The following SEMA3E variants were observed in gnomAD, a reference collection of about 807,000 sequenced individuals.
SEMA3E encodes semaphorin 3E.
Under a neutral mutation model 93.6 loss-of-function variants are expected in SEMA3E, and 49 were observed. The ratio of observed to expected loss-of-function variants is 0.52; its 90% CI spans 0.42 to 0.66. SEMA3E has a LOEUF of 0.66. SEMA3E is among the 30% of genes least tolerant of loss of function. SEMA3E has a pLI of 0.00. For synonymous variants in SEMA3E, 363 were observed against 330.7 expected, an observed-to-expected ratio of 1.10 and a Z score of -1.06; for missense variants, 906 against 964.8, an observed-to-expected ratio of 0.94 and a Z score of 0.81.
intron 4 of SEMA3E, among the ~76,000 whole-genome samples, chr7:83,458,746 G>T (rs145804333): frequency 1.4e-4 from 21 of 151,604 alleles, no homozygotes; most frequent in Middle Eastern, 7.0e-3. Context: ...TAAATCAATA[G>T]AATTTTTCCA....
chr7:83,579,291 G>A (rs1341333398), intron 1 of SEMA3E, among the ~76,000 whole-genome samples: 1 of 152,092 alleles, frequency 6.6e-6, no homozygotes, highest in Non-Finnish European at 1.5e-5. Flanking sequence ...GTACAATTAA[G>A]ATGCCTTAGT....
At chr7:83,483,211 A>ATAG (rs917254371) in intron 2 of SEMA3E, among the ~76,000 whole-genome samples, 14 of 152,036 alleles carry the variant, frequency 9.2e-5, no homozygotes, top group South Asian at 2.1e-4. Context: ...AAGGCAAACT[A>ATAG]TAGTAGTAGT....
intron 1 of SEMA3E, among the ~76,000 whole-genome samples, chr7:83,551,956 A>G (rs1791775232): frequency 1.3e-5 from 2 of 152,164 alleles, no homozygotes; most frequent in African/African-American, 2.4e-5. Flanking sequence ...ACATCTACAC[A>G]TTATATTTTA....
chr7:83,397,592 T>A (rs1788151275), intron 11 of SEMA3E, among the ~76,000 whole-genome samples: 1 of 152,166 alleles, frequency 6.6e-6, no homozygotes, highest in Non-Finnish European at 1.5e-5. Context: ...CATTTATTTT[T>A]AAAGTTTATA....
At chr7:83,458,657 G>A (rs909989305) in intron 4 of SEMA3E, among the ~76,000 whole-genome samples, 8 of 151,664 alleles carry the variant, frequency 5.3e-5, no homozygotes, top group African/African-American at 1.9e-4. Flanking sequence ...AGTAAACTAT[G>A]CTGTGTATGG....
At chr7:83,478,951 C>T (rs1385617896) in intron 2 of SEMA3E, among the ~76,000 whole-genome samples, 1 of 152,192 alleles carries the variant, frequency 6.6e-6, no homozygotes. Flanking sequence ...ATTTATTCAT[C>T]ATGCTGCTGC....
At chr7:83,558,782 G>A (rs1436444526) in intron 1 of SEMA3E, among the ~76,000 whole-genome samples, 1 of 151,830 alleles carries the variant, frequency 6.6e-6, no homozygotes. Context: ...GTGTTATTAG[G>A]AATAACTAAT....
At chr7:83,405,418 T>G in intron 9 of SEMA3E, 32 bp downstream of exon 9, 2 of 1,489,378 alleles carry the variant, frequency 1.3e-6, no homozygotes, top group Non-Finnish European at 1.9e-6. Flanking sequence ...TCTTGTTCTA[T>G]ATTGTTTTTA....
intron 1 of SEMA3E, among the ~76,000 whole-genome samples, chr7:83,603,662 T>A (rs1038409811): frequency 6.6e-6 from 1 of 152,146 alleles, no homozygotes; most frequent in African/African-American, 2.4e-5. Context: ...GAGATAGATA[T>A]AGTTTTATTT....
At chr7:83,556,117 A>G (rs1054088768) in intron 1 of SEMA3E, among the ~76,000 whole-genome samples, 3 of 152,162 alleles carry the variant, frequency 2.0e-5, no homozygotes, top group African/African-American at 7.2e-5. Flanking sequence ...TGAACATGTT[A>G]TACGTTTTTA....
chr7:83,606,422 CT>C (rs1482513393), intron 1 of SEMA3E, among the ~76,000 whole-genome samples: 2 of 151,360 alleles, frequency 1.3e-5, no homozygotes, highest in African/African-American at 4.9e-5. Flanking sequence ...CCATGGAATA[CT>C]ATGCAGCCAT....
intron 1 of SEMA3E, among the ~76,000 whole-genome samples, chr7:83,517,702 G>A (rs1322983485): frequency 6.6e-6 from 1 of 152,116 alleles, no homozygotes; most frequent in South Asian, 2.1e-4. Context: ...AAGAAAAATA[G>A]GGAATGAGGA....
chr7:83,481,388 A>G (rs1790143039), intron 2 of SEMA3E, among the ~76,000 whole-genome samples: 1 of 152,212 alleles, frequency 6.6e-6, no homozygotes, highest in East Asian at 1.9e-4. Context: ...AAATAAAACA[A>G]AAACACGTTT....
intron 1 of SEMA3E, among the ~76,000 whole-genome samples, chr7:83,500,343 G>A (rs2115597274): frequency 6.6e-6 from 1 of 152,208 alleles, no homozygotes; most frequent in Non-Finnish European, 1.5e-5. Flanking sequence ...GGCTGAGGCA[G>A]GAGAATTGCT....
At chr7:83,511,075 T>C (rs913292843) in intron 1 of SEMA3E, among the ~76,000 whole-genome samples, 6 of 152,170 alleles carry the variant, frequency 3.9e-5, no homozygotes, top group Admixed American at 2.6e-4. Flanking sequence ...AGTTTGATTT[T>C]AGCAGCTGTC....
chr7:83,544,901 G>T (rs561509395), intron 1 of SEMA3E, among the ~76,000 whole-genome samples: 2 of 152,058 alleles, frequency 1.3e-5, no homozygotes, highest in East Asian at 3.9e-4. Context: ...TGACTTGAAC[G>T]AAATATATTT....
intron 1 of SEMA3E, among the ~76,000 whole-genome samples, chr7:83,491,352 T>G (rs1260110060): frequency 2.6e-5 from 4 of 151,772 alleles, no homozygotes; most frequent in Admixed American, 2.0e-4. Flanking sequence ...TTTAAATCTT[T>G]AGTTTAAAAT....
chr7:83,383,937 A>T (rs536376364), intron 16 of SEMA3E, among the ~76,000 whole-genome samples: 1 of 152,154 alleles, frequency 6.6e-6, no homozygotes, highest in Non-Finnish European at 1.5e-5. Flanking sequence ...TTCACCTCAG[A>T]TTTGTGAAGT....
At chr7:83,388,330 A>AT (rs1554318218) in intron 14 of SEMA3E, among the ~76,000 whole-genome samples, 104 of 147,264 alleles carry the variant, frequency 7.1e-4, no homozygotes, top group African/African-American at 9.9e-4. Context: ...AATAAAAAAA[A>AT]ATATATATAT....
Sources: allele counts gnomAD v4.1 joint callset (sites outside exome capture counted in the v4.1 genomes callset), GRCh38; gene constraint gnomAD v4.1.1; transcripts MANE v1.5; gene names NCBI Gene and HGNC (gene_info 2026-07-23, HGNC 2026-07-21).